Variants in SPRTN observed in about 807,000 individuals in gnomAD.
SPRTN encodes DNA-dependent metalloprotease SPRTN.
Under a neutral mutation model 31.9 loss-of-function variants are expected in SPRTN, and 11 were observed. That is an observed-to-expected ratio of 0.34 (90% CI 0.22 to 0.57). The LOEUF is 0.57. SPRTN is among the 20% of genes least tolerant of loss of function. SPRTN has a pLI of 0.86. For synonymous variants in SPRTN, 185 were observed against 212.1 expected, an observed-to-expected ratio of 0.87 and a Z score of 1.11; for missense variants, 482 against 590.1, an observed-to-expected ratio of 0.82 and a Z score of 1.90.
chr1:231,347,799 C>A lies in SPRTN; in HGVS notation c.324C>A (p.Thr108=). The change falls in exon 3 of 5, where the codon ACC becomes ACA. Residue 108 remains threonine (T), a splice_region_variant and synonymous_variant. Transcript: ENST00000295050. ...AATTTGAATATTTTATGTTCCAGACCCTCCTGCATGAAATGATACATGCCT... is the reference window on the plus strand; with the variant it reads ...AATTTGAATATTTTATGTTCCAGACACTCCTGCATGAAATGATACATGCCT... ...KLRPRKDLVE[T]LLHEMIHAYL... is the part of the protein sequence containing the mutation. 1.2e-6 allele frequency: 2 copies of A among 1,605,330 alleles called. No individual in the cohort carries two copies. Among genetic ancestry groups the A allele is most frequent in the Non-Finnish European group, 1.7e-6 (2 of 1,177,782 alleles).
intron 2 of SPRTN, among the ~76,000 whole-genome samples, chr1:231,344,406 A>T (rs722302): frequency 2.0e-5 from 3 of 151,930 alleles, no homozygotes; most frequent in African/African-American, 7.3e-5. Context: ...GCTCAGGAGG[A>T]TGAGATAGAG....
In SPRTN at chr1:231,351,366, G is replaced by A; in HGVS notation, c.513G>A (p.Gly171=). The A allele has an allele frequency of 6.2e-7, 1 of 1,614,074 alleles. No individual in the cohort carries two copies. Among genetic ancestry groups the A allele is most frequent in the African/African-American group, 1.3e-5 (1 of 75,016 alleles). The part of the protein sequence containing the change: ...EYRRHWWRCN[G]PCQHRPPYYG... The stretch of plus-strand genomic sequence containing the variant: ...GGCGACACTGGTGGCGCTGCAATGG[G>A]CCGTGCCAGCACAGGCCACCGTATT... The change falls in exon 4 of 5, where the codon GGG becomes GGA. Residue 171 remains glycine, a synonymous_variant. Transcript: ENST00000295050.
chr1:231,340,024 A>C, intron 2 of SPRTN, 156 bp downstream of exon 2: 2 of 546,474 alleles, frequency 3.7e-6, no homozygotes, highest in South Asian at 4.1e-5. Context: ...TGAACACCTT[A>C]TGTTTTTTAT....
rs527845162 is a variant in SPRTN at position 231,353,075 on chromosome 1, A to G, written c.1184A>G (p.Gln395Arg). 4.3e-6 allele frequency: 7 copies of G among 1,614,072 alleles called. No homozygotes were observed. In the Admixed American group the frequency reaches 5.0e-5, roughly 12 times the overall value. Reference sequence around the variant, plus strand: ...GAATCAGCATCTGTGATGCCATCCCAGGATGTGAGTGGGTCTGAAGATACA... The same window carrying G: ...GAATCAGCATCTGTGATGCCATCCCGGGATGTGAGTGGGTCTGAAGATACA... ...VTESASVMPS[Q>R]DVSGSEDTFP... is the part of the protein sequence containing the mutation. Residue 395 changes from glutamine to arginine, a missense_variant, in exon 5 of 5, where the codon CAG becomes CGG. Physicochemically the swap from Gln to Arg is conservative, Grantham distance 43 (BLOSUM62 1). Transcript: ENST00000295050.
At chr1:231,346,976 G>A (rs1459290614) in intron 2 of SPRTN, among the ~76,000 whole-genome samples, 1 of 151,952 alleles carries the variant, frequency 6.6e-6, no homozygotes, top group Non-Finnish European at 1.5e-5. Context: ...TTATGTAGTT[G>A]AATTCATTGA....
chr1:231,353,051 A>T lies in SPRTN; in HGVS notation c.1160A>T (p.Glu387Val). ...CTAAGAAATTCTTCAAAAGTAACGG[A>T]ATCAGCATCTGTGATGCCATCCCAG... The part of the protein sequence containing the change: ...ISLRNSSKVT[E>V]SASVMPSQDV... The change falls in exon 5 of 5, where the codon GAA becomes GTA. Residue 387 changes from glutamate to valine, a missense_variant. Glu to Val is a moderately radical substitution (Grantham distance 121, BLOSUM62 -2). Around this residue, in one of 2 missense-constraint regions of SPRTN, gnomAD observed 325 missense variants for 350.2 expected, o/e 0.93. Coordinates refer to ENST00000295050, the MANE Select transcript of SPRTN (RefSeq NM_032018.7). 1 of 1,614,186 alleles carries T rather than the reference A, an allele frequency of 6.2e-7. No individual in the cohort carries two copies.
chr1:231,351,633 T>C, intron 4 of SPRTN, 62 bp downstream of exon 4: 3 of 1,572,930 alleles, frequency 1.9e-6, no homozygotes, highest in Non-Finnish European at 2.6e-6. Flanking sequence ...AAGACAATAC[T>C]GTCCTTCAGA....
chr1:231,341,033 T>C (rs967112573), intron 2 of SPRTN, among the ~76,000 whole-genome samples: 3 of 152,008 alleles, frequency 2.0e-5, no homozygotes, highest in Non-Finnish European at 2.9e-5. Context: ...AAAAAGTAGC[T>C]ACTAAATGTA....
intron 4 of SPRTN, 46 bp downstream of exon 4, chr1:231,351,617 G>T: frequency 6.3e-7 from 1 of 1,599,308 alleles, no homozygotes; most frequent in South Asian, 1.1e-5. Context: ...CCATAGCTAT[G>T]ATGTAAAGAC....
intron 3 of SPRTN, 77 bp downstream of exon 3, chr1:231,348,002 G>A: frequency 6.5e-7 from 1 of 1,534,056 alleles, no homozygotes; most frequent in Non-Finnish European, 8.7e-7. Context: ...TAAAAGTAGA[G>A]AACTAGGTAG....
At chr1:231,351,877 A>C (rs1215159383) in intron 4 of SPRTN, 7 of 1,035,436 alleles carry the variant, frequency 6.8e-6, no homozygotes, top group Non-Finnish European at 8.1e-6. Flanking sequence ...ATTTGAGGTA[A>C]AGTTCCTTTC....
chr1:231,348,070 G>T, intron 3 of SPRTN, 145 bp downstream of exon 3: 1 of 1,140,934 alleles, frequency 8.8e-7, no homozygotes, highest in African/African-American at 1.6e-5. Flanking sequence ...AAGCAAATTG[G>T]CTTGTCTGGG....
chr1:231,352,544 T>C (rs1687269439), intron 4 of SPRTN, 66 bp from the exon 5 acceptor site: 1 of 1,516,438 alleles, frequency 6.6e-7, no homozygotes, highest in Admixed American at 2.4e-5. Context: ...ATTAGTTTAA[T>C]GTTTGTTACT....
intron 2 of SPRTN, among the ~76,000 whole-genome samples, chr1:231,346,944 A>G (rs1295857156): frequency 2.6e-5 from 4 of 151,804 alleles, no homozygotes; most frequent in Admixed American, 2.6e-4. Flanking sequence ...CCTGTCTCAA[A>G]AAAAAAAGAA....
chr1:231,349,827 T>A (rs1043323728), intron 3 of SPRTN, among the ~76,000 whole-genome samples: 1 of 152,102 alleles, frequency 6.6e-6, no homozygotes, highest in Non-Finnish European at 1.5e-5. Flanking sequence ...CTGGGCAATT[T>A]AGTGAGACCT....
At chr1:231,352,568 G>T (rs375773120) in intron 4 of SPRTN, 42 bp from the exon 5 acceptor site, 1 of 1,528,194 alleles carries the variant, frequency 6.5e-7, no homozygotes, top group African/African-American at 1.4e-5. Flanking sequence ...TTTCTTTTGA[G>T]TTGAGGCACT....
rs1446083377 is a variant in SPRTN, at chr1:231,345,276, C to T, written c.322-2521C>T. Reference sequence around the variant, plus strand: ...CCGAGTAGCTGGGATTACAGGCGCCCGCCACCATGCCTGGCTAATTTTTGT... The same window carrying T: ...CCGAGTAGCTGGGATTACAGGCGCCTGCCACCATGCCTGGCTAATTTTTGT... On this transcript the variant is annotated intron_variant, in intron 2 of 4. Transcript: ENST00000295050. Among the ~76,000 whole-genome samples, 7 of 151,904 alleles carry T rather than the reference C, an allele frequency of 4.6e-5. No homozygotes were observed. In the East Asian group the frequency reaches 5.8e-4, roughly 13 times the overall value.
intron 1 of SPRTN, among the ~76,000 whole-genome samples, chr1:231,338,994 T>C (rs1276431390): frequency 6.6e-6 from 1 of 152,246 alleles, no homozygotes; most frequent in Non-Finnish European, 1.5e-5. Flanking sequence ...TGCCAAAGGA[T>C]GTGTGTTCTC....
chr1:231,342,651 C>G (rs992001755), intron 2 of SPRTN, among the ~76,000 whole-genome samples: 1 of 151,798 alleles, frequency 6.6e-6, no homozygotes, highest in Non-Finnish European at 1.5e-5. Context: ...GTCTCAAACT[C>G]CTGACCCCAG....
Sources: gnomAD v4.1 joint callset for allele counts (sites outside exome capture counted in the v4.1 genomes callset) on GRCh38, gnomAD v4.1.1 for gene constraint, gnomAD v4.1.1 regional missense constraint, MANE v1.5 for transcripts, NCBI Gene and HGNC (gene_info 2026-07-23, HGNC 2026-07-21) for gene names.